Variants in CSMD1 observed in about 807,000 individuals in gnomAD.
The protein encoded by CSMD1 is CUB and sushi domain-containing protein 1.
In CSMD1, 213 loss-of-function variants were observed where a neutral mutation model predicts 417.5. That is an observed-to-expected ratio of 0.51 (90% CI 0.46 to 0.57). The LOEUF is 0.57. Ranked by LOEUF, CSMD1 falls within the 20% of genes least tolerant of loss-of-function variation. CSMD1 has a pLI of 0.00. For missense variants in CSMD1, 6,923 were observed against 4,529.7 expected (o/e 1.53, Z -15.17); for synonymous variants, 2,862 against 1,736.8 (o/e 1.65, Z -16.11).
At chr8:3,973,905 T>G (rs1029991961) in intron 5 of CSMD1, among the ~76,000 whole-genome samples, 3 of 152,174 alleles carry the variant, frequency 2.0e-5, no homozygotes, top group Non-Finnish European at 4.4e-5. Flanking sequence ...TTACATGAAA[T>G]GTTTTGATAC....
chr8:3,163,286 T>C (rs1820005542), intron 37 of CSMD1, among the ~76,000 whole-genome samples: 1 of 152,182 alleles, frequency 6.6e-6, no homozygotes, highest in Non-Finnish European at 1.5e-5. Flanking sequence ...TATGGGGCCT[T>C]GGATTCGCAC....
intron 12 of CSMD1, among the ~76,000 whole-genome samples, chr8:3,467,948 G>T (rs557644177): frequency 6.6e-6 from 1 of 152,292 alleles, no homozygotes; most frequent in South Asian, 2.1e-4. Flanking sequence ...AGTTCCAACA[G>T]CTCCAGATAA....
chr8:4,041,463 A>G (rs1232581362), intron 3 of CSMD1, among the ~76,000 whole-genome samples: 6 of 152,236 alleles, frequency 3.9e-5, no homozygotes, highest in African/African-American at 1.2e-4. Flanking sequence ...AGCCTTAAAA[A>G]GTAGTGTAAG....
At position 4,438,263 on chromosome 8, in the gene CSMD1, A is replaced by C. The variant is rs575261035; in HGVS notation, c.303-18198T>G. Among the ~76,000 whole-genome samples the C allele has an allele frequency of 4.6e-5, 7 of 152,276 alleles. No individual in the cohort carries two copies. In the East Asian group the frequency reaches 1.2e-3, roughly 25 times the overall value. ...TCTTGTTTTTAGAGTGCAGTTCTTT[A>C]AGGTTGAAGAGACCTGGGGCTTTCC... On this transcript the variant is annotated intron_variant, in intron 2 of 69. Coordinates refer to ENST00000635120, the MANE Select transcript of CSMD1 (RefSeq NM_033225.6).
chr8:3,184,979 G>C (rs369821722), intron 36 of CSMD1, among the ~76,000 whole-genome samples: 9 of 152,170 alleles, frequency 5.9e-5, no homozygotes, highest in Non-Finnish European at 1.2e-4. Flanking sequence ...TCCCTGTTTT[G>C]TCCTGGTTTG....
At chr8:4,359,941 C>T (rs769453824) in intron 3 of CSMD1, among the ~76,000 whole-genome samples, 13 of 152,200 alleles carry the variant, frequency 8.5e-5, no homozygotes, top group Non-Finnish European at 1.5e-4. Context: ...AAGAATGCTT[C>T]CCTACTGGAG....
intron 7 of CSMD1, among the ~76,000 whole-genome samples, chr8:3,655,261 T>C (rs972126783): frequency 2.6e-5 from 4 of 152,202 alleles, no homozygotes; most frequent in Admixed American, 6.5e-5. Flanking sequence ...AAGGCAAGAA[T>C]TTAAGACCCA....
intron 3 of CSMD1, among the ~76,000 whole-genome samples, chr8:4,051,440 T>G: frequency 6.6e-6 from 1 of 152,030 alleles, no homozygotes; most frequent in East Asian, 1.9e-4. Context: ...TGAAAACGCT[T>G]TGGCAGAATT....
rs548756984 is a variant in CSMD1, at chr8:4,339,318, T to G, written c.415+80635A>C. Reference sequence around the variant, plus strand: ...TTTCAGTTCTTACCATTTTGTGATTTAAATTCACAAGCTATGCTGGCAGAT... The same window carrying G: ...TTTCAGTTCTTACCATTTTGTGATTGAAATTCACAAGCTATGCTGGCAGAT... On this transcript the variant is annotated intron_variant, in intron 3 of 69. Transcript: ENST00000635120. Among the ~76,000 whole-genome samples the G allele has an allele frequency of 2.0e-5, 3 of 152,244 alleles. No homozygotes were observed. In the East Asian group the frequency reaches 5.8e-4, roughly 29 times the overall value.
intron 5 of CSMD1, among the ~76,000 whole-genome samples, chr8:3,778,670 C>A (rs1033178549): frequency 2.0e-5 from 3 of 152,210 alleles, no homozygotes; most frequent in African/African-American, 4.8e-5. Flanking sequence ...TGGACCAGAG[C>A]TTCCTGCAGT....
At chr8:4,732,675 A>C (rs942338090) in intron 1 of CSMD1, among the ~76,000 whole-genome samples, 6 of 152,118 alleles carry the variant, frequency 3.9e-5, no homozygotes, top group African/African-American at 1.4e-4. Context: ...CATCTGCCCC[A>C]GCTGTATCCT....
At chr8:4,701,918 C>A (rs1198996678) in intron 1 of CSMD1, among the ~76,000 whole-genome samples, 3 of 152,138 alleles carry the variant, frequency 2.0e-5, no homozygotes, top group Non-Finnish European at 4.4e-5. Context: ...CTGTGGAATA[C>A]TATGCAGCCA....
At chr8:3,154,574 T>C (rs954072313) in intron 39 of CSMD1, among the ~76,000 whole-genome samples, 2 of 152,174 alleles carry the variant, frequency 1.3e-5, no homozygotes, top group African/African-American at 2.4e-5. Flanking sequence ...GAATTTTTAC[T>C]GAAGGACACA....
intron 10 of CSMD1, among the ~76,000 whole-genome samples, chr8:3,562,765 T>A (rs560519203): frequency 6.6e-6 from 1 of 151,932 alleles, no homozygotes; most frequent in Non-Finnish European, 1.5e-5. Context: ...ACGGAGCCTA[T>A]TGGAGGGTGG....
intron 3 of CSMD1, among the ~76,000 whole-genome samples, chr8:4,131,189 T>A (rs1803080455): frequency 6.6e-6 from 1 of 152,170 alleles, no homozygotes; most frequent in Non-Finnish European, 1.5e-5. Flanking sequence ...TCAAAAGACT[T>A]CATAGTTAAA....
chr8:4,942,294 G>A (rs767028808), intron 1 of CSMD1, among the ~76,000 whole-genome samples: 5 of 151,670 alleles, frequency 3.3e-5, no homozygotes, highest in Admixed American at 6.6e-5. Context: ...TGATTCAAAA[G>A]AATTCCTCTG....
chr8:3,193,133 A>G (rs536730545), intron 33 of CSMD1, among the ~76,000 whole-genome samples: 1 of 152,250 alleles, frequency 6.6e-6, no homozygotes, highest in South Asian at 2.1e-4. Flanking sequence ...ATACAAATAT[A>G]TTTGAGAGCT....
chr8:4,328,692 G>A (rs1585242120), intron 3 of CSMD1, among the ~76,000 whole-genome samples: 1 of 152,092 alleles, frequency 6.6e-6, no homozygotes, highest in South Asian at 2.1e-4. Flanking sequence ...CAACCTACTA[G>A]GAAGTGCTTT....
At chr8:3,674,655 G>C (rs944577058) in intron 7 of CSMD1, among the ~76,000 whole-genome samples, 6 of 151,994 alleles carry the variant, frequency 3.9e-5, no homozygotes, top group Non-Finnish European at 5.9e-5. Flanking sequence ...GAGTCAAAAA[G>C]GACTTGATTT....
Sources: allele counts gnomAD v4.1 joint callset (sites outside exome capture counted in the v4.1 genomes callset), GRCh38; gene constraint gnomAD v4.1.1; transcripts MANE v1.5; gene names NCBI Gene and HGNC (gene_info 2026-07-23, HGNC 2026-07-21).